The following ERP44 variants were observed in gnomAD, a reference collection of about 807,000 sequenced individuals.
The protein encoded by ERP44 is endoplasmic reticulum resident protein 44.
ERP44 carries 25 observed loss-of-function variants against 53.4 expected under a neutral mutation model. That is an observed-to-expected ratio of 0.47 (90% confidence interval 0.34 to 0.65). The LOEUF (loss-of-function observed/expected upper bound fraction) is 0.65, where lower values mean the gene tolerates loss of function less well. Among genes scored for constraint, ERP44 ranks in the 30% least tolerant of loss-of-function variants. ERP44 has a pLI of 0.01. For missense variants in ERP44, 338 were observed against 493.2 expected (o/e 0.69, Z 2.98); for synonymous variants, 145 against 161.2 (o/e 0.90, Z 0.76).
At chr9:100,080,831 C>A (rs1401569208) in intron 1 of ERP44, among the ~76,000 whole-genome samples, 1 of 151,936 alleles carries the variant, frequency 6.6e-6, no homozygotes, top group African/African-American at 2.4e-5. Flanking sequence ...AACGTGGGTA[C>A]AGGAAACTAA....
chr9:100,045,329 C>A (rs183965147), intron 4 of ERP44, among the ~76,000 whole-genome samples: 1 of 152,298 alleles, frequency 6.6e-6, no homozygotes, highest in Non-Finnish European at 1.5e-5. Context: ...GCATTCAATA[C>A]CTTCCCGTCA....
At chr9:100,018,664 T>A (rs1320371549) in intron 6 of ERP44, among the ~76,000 whole-genome samples, 1 of 152,208 alleles carries the variant, frequency 6.6e-6, no homozygotes, top group Non-Finnish European at 1.5e-5. Context: ...TAAAATATAG[T>A]TCCATAAATA....
rs547621377 is a variant in ERP44 at position 99,990,695 on chromosome 9, C to T, written c.1017-5626G>A. On this transcript the variant is annotated intron_variant, in intron 10 of 11. Coordinates refer to ENST00000262455, the MANE Select transcript of ERP44 (RefSeq NM_015051.3). ...ACCTTAAACGTAAATGGGCTAAATG[C>T]CCCAATTAAAAGACACAGACTGGCA... 6.6e-5 allele frequency among the ~76,000 whole-genome samples: 10 copies of T among 152,238 alleles called. No individual in the cohort carries two copies. The East Asian group carries it at 1.9e-3, about 29-fold the overall frequency.
chr9:100,080,461 G>T (rs1826410452), intron 1 of ERP44, among the ~76,000 whole-genome samples: 1 of 151,970 alleles, frequency 6.6e-6, no homozygotes, highest in Non-Finnish European at 1.5e-5. Context: ...AACCTATGAA[G>T]ATGAAAGCAC....
chr9:100,092,079 G>A (rs561927615), intron 1 of ERP44, among the ~76,000 whole-genome samples: 2 of 152,200 alleles, frequency 1.3e-5, no homozygotes, highest in East Asian at 3.9e-4. Context: ...TCAAATGATA[G>A]GCAGAAAAGA....
chr9:100,074,699 A>C (rs1195096605), intron 1 of ERP44, among the ~76,000 whole-genome samples: 1 of 152,164 alleles, frequency 6.6e-6, no homozygotes, highest in Non-Finnish European at 1.5e-5. Context: ...GTAACTGTGC[A>C]TTGGAGAAAG....
intron 4 of ERP44, among the ~76,000 whole-genome samples, chr9:100,039,227 G>A (rs576639707): frequency 3.3e-5 from 5 of 152,192 alleles, no homozygotes; most frequent in African/African-American, 4.8e-5. Flanking sequence ...AATGGCTGCC[G>A]AATACACATT....
chr9:100,008,206 C>T (rs1830439166), intron 8 of ERP44, among the ~76,000 whole-genome samples: 1 of 152,220 alleles, frequency 6.6e-6, no homozygotes, highest in African/African-American at 2.4e-5. Flanking sequence ...TTACCCAAAG[C>T]TTGAAGTGTT....
chr9:100,067,343 G>C (rs541920938), intron 1 of ERP44, among the ~76,000 whole-genome samples: 3 of 150,186 alleles, frequency 2.0e-5, no homozygotes, highest in African/African-American at 7.6e-5. Context: ...GGCGCGCGCC[G>C]CCGCGCCTGA....
rs1422842153 is a variant in ERP44, at chr9:100,018,320, G to A, written c.588-7C>T. The stretch of plus-strand genomic sequence containing the variant: ...TTCCGGTTTTGAAACATCCCTATAG[G>A]AAGGGAGAAATAGTAATAAACCTGA... On this transcript the variant is annotated splice_polypyrimidine_tract_variant and splice_region_variant and intron_variant, in intron 6 of 11. Coordinates refer to ENST00000262455, the MANE Select transcript of ERP44 (RefSeq NM_015051.3). 4 of 1,577,780 alleles carry A rather than the reference G, an allele frequency of 2.5e-6. No individual in the cohort carries two copies. The highest frequency in any genetic ancestry group is 3.5e-6 in the Non-Finnish European group (4 of 1,147,434).
chr9:100,088,453 C>T (rs1298036289), intron 1 of ERP44, among the ~76,000 whole-genome samples: 1 of 152,200 alleles, frequency 6.6e-6, no homozygotes, highest in East Asian at 1.9e-4. Flanking sequence ...TGCTTCAAGG[C>T]TCACCTGTCC....
At chr9:100,072,588 TCTTGG>T (rs1333671067) in intron 1 of ERP44, among the ~76,000 whole-genome samples, 1 of 152,174 alleles carries the variant, frequency 6.6e-6, no homozygotes, top group Non-Finnish European at 1.5e-5. Context: ...AATGGAGCGA[TCTTGG>T]CTCACTGCAA....
intron 4 of ERP44, among the ~76,000 whole-genome samples, chr9:100,049,734 C>T (rs1219712575): frequency 6.6e-6 from 1 of 152,092 alleles, no homozygotes; most frequent in Non-Finnish European, 1.5e-5. Flanking sequence ...CATGGACCTA[C>T]CATATGACCT....
chr9:100,097,610 ATAT>A (rs1826655375), intron 1 of ERP44, among the ~76,000 whole-genome samples: 1 of 152,248 alleles, frequency 6.6e-6, no homozygotes. Context: ...CTATCATTTA[ATAT>A]TACAATGTTT....
At chr9:100,005,117 T>C (rs1356316598) in intron 10 of ERP44, among the ~76,000 whole-genome samples, 1 of 152,224 alleles carries the variant, frequency 6.6e-6, no homozygotes, top group Non-Finnish European at 1.5e-5. Flanking sequence ...AGCATTCACC[T>C]TTCCATTTAT....
chr9:100,085,201 C>T (rs1217300321), intron 1 of ERP44, among the ~76,000 whole-genome samples: 4 of 152,160 alleles, frequency 2.6e-5, no homozygotes, highest in Admixed American at 2.6e-4. Flanking sequence ...ATGGAAAATA[C>T]AATTTACCCT....
At chr9:100,020,548 C>CA in intron 6 of ERP44, 68 bp downstream of exon 6, 1 of 783,192 alleles carries the variant, frequency 1.3e-6, no homozygotes. Context: ...AGGAAATGAC[C>CA]AAATACAACA....
At chr9:100,070,437 G>A (rs1826287751) in intron 1 of ERP44, among the ~76,000 whole-genome samples, 1 of 152,166 alleles carries the variant, frequency 6.6e-6, no homozygotes, top group Non-Finnish European at 1.5e-5. Flanking sequence ...TTCCTGCAAA[G>A]TCATTATATA....
intron 4 of ERP44, among the ~76,000 whole-genome samples, chr9:100,043,353 T>C (rs139273518): frequency 6.7e-5 from 10 of 148,890 alleles, no homozygotes; most frequent in African/African-American, 2.0e-4. Context: ...CTAATTTAAT[T>C]GTACTTTTAA....
Sources: allele counts gnomAD v4.1 joint callset (sites outside exome capture counted in the v4.1 genomes callset), GRCh38; gene constraint gnomAD v4.1.1; transcripts MANE v1.5; gene names NCBI Gene and HGNC (gene_info 2026-07-23, HGNC 2026-07-21).